Variants in PMM2 observed in about 807,000 individuals in gnomAD.
The protein encoded by PMM2 is phosphomannomutase 2.
In PMM2, 35 loss-of-function variants were observed where a neutral mutation model predicts 33.2. The ratio of observed to expected loss-of-function variants is 1.06; its 90% CI spans 0.81 to 1.40. The LOEUF is 1.40. Among genes scored for constraint, PMM2 ranks in the 40% most tolerant of loss-of-function variants. PMM2 has a pLI of 0.00. For synonymous variants in PMM2, 153 were observed against 114.7 expected (o/e 1.33, Z -2.13); for missense variants, 386 against 306.0 (o/e 1.26, Z -1.95).
chr16:8,825,756 ATTT>A (rs35928064), intron 7 of PMM2, among the ~76,000 whole-genome samples: 3 of 134,200 alleles, frequency 2.2e-5, no homozygotes, highest in Admixed American at 7.6e-5. Context: ...ATAAAACACT[ATTT>A]TTTTTTTTTT....
intron 7 of PMM2, among the ~76,000 whole-genome samples, chr16:8,827,700 AAGGCC>A (rs2060777698): frequency 7.9e-6 from 1 of 126,240 alleles, no homozygotes; most frequent in Non-Finnish European, 1.6e-5. Context: ...CCAGCCCACA[AAGGCC>A]TTTTAAATGT....
intron 7 of PMM2, among the ~76,000 whole-genome samples, chr16:8,846,205 G>A (rs868561339): frequency 1.8e-4 from 27 of 152,304 alleles, no homozygotes; most frequent in Admixed American, 3.3e-4. Flanking sequence ...ACCTGAGGAG[G>A]CCATCTGCCT....
chr16:8,813,838 G>A (rs1213886754), intron 7 of PMM2, among the ~76,000 whole-genome samples: 2 of 147,616 alleles, frequency 1.4e-5, no homozygotes, highest in Non-Finnish European at 3.0e-5. Context: ...CCAGCTTTGG[G>A]CCAGCTCCTT....
chr16:8,808,986 A>C (rs898448175), intron 4 of PMM2: 27 of 152,366 alleles, frequency 1.8e-4, no homozygotes, highest in African/African-American at 6.5e-4. Context: ...TGCTGTTTTT[A>C]CTTTAATGAG....
At chr16:8,843,724 T>C (rs2060906016) in intron 7 of PMM2, among the ~76,000 whole-genome samples, 1 of 152,204 alleles carries the variant, frequency 6.6e-6, no homozygotes, top group South Asian at 2.1e-4. Flanking sequence ...TTGTGGAGTT[T>C]GAGGGCCAGA....
Position 8,836,435 on chromosome 16 carries a change from G to A in PMM2, c.640-11289G>A, listed in dbSNP as rs569342466. 1.6e-3 allele frequency among the ~76,000 whole-genome samples: 245 copies of A among 152,128 alleles called. 8 individuals are homozygous for A. In the South Asian group the frequency reaches 0.04, roughly 25 times the overall value. Reference sequence around the variant, plus strand: ...CGGCTTAGGAGGAATCCCGGGCTGTGGGCATTCCTTGGCCCAGTGGCCAGA... The same window carrying A: ...CGGCTTAGGAGGAATCCCGGGCTGTAGGCATTCCTTGGCCCAGTGGCCAGA... On this transcript the variant is annotated intron_variant, in intron 7 of 7. Coordinates refer to ENST00000268261, the MANE Select transcript of PMM2 (RefSeq NM_000303.3).
At chr16:8,834,611 C>T (rs1461078284) in intron 7 of PMM2, among the ~76,000 whole-genome samples, 1 of 152,006 alleles carries the variant, frequency 6.6e-6, no homozygotes, top group African/African-American at 2.4e-5. Flanking sequence ...TGAATAATCC[C>T]TGAGGAGTAG....
At chr16:8,813,199 T>A in intron 7 of PMM2, 93 bp downstream of exon 7, 1 of 840,432 alleles carries the variant, frequency 1.2e-6, no homozygotes, top group South Asian at 1.3e-5. Flanking sequence ...ACCTACACTT[T>A]ACCCACCCGC....
intron 7 of PMM2, among the ~76,000 whole-genome samples, chr16:8,833,701 A>T (rs1352615255): frequency 1.3e-5 from 2 of 151,336 alleles, no homozygotes; most frequent in African/African-American, 4.9e-5. Context: ...GTATAGAATG[A>T]TTGGTGATGG....
chr16:8,822,803 AG>A (rs2060745349), intron 7 of PMM2, among the ~76,000 whole-genome samples: 1 of 152,200 alleles, frequency 6.6e-6, no homozygotes, highest in African/African-American at 2.4e-5. Context: ...GCTTCTACTC[AG>A]GGGTTCCTGG....
intron 2 of PMM2, among the ~76,000 whole-genome samples, chr16:8,804,041 T>TTTTTTTG (rs1174379818): frequency 7.0e-6 from 1 of 143,718 alleles, no homozygotes; most frequent in African/African-American, 2.6e-5. Context: ...GTTTTTTTTT[T>TTTTTTTG]TTTTTTTTTT....
At chr16:8,810,801 G>T (rs2060673040) in intron 4 of PMM2, 1 of 462,620 alleles carries the variant, frequency 2.2e-6, no homozygotes, top group African/African-American at 2.0e-5. Flanking sequence ...CAAAATATGA[G>T]CATTTTAACA....
At chr16:8,833,717 A>T (rs965400216) in intron 7 of PMM2, among the ~76,000 whole-genome samples, 6 of 151,542 alleles carry the variant, frequency 4.0e-5, no homozygotes, top group Non-Finnish European at 5.9e-5. Context: ...GATGGCCTGG[A>T]TACGGTTTTG....
chr16:8,805,456 G>A (rs1343690485), intron 3 of PMM2, among the ~76,000 whole-genome samples: 2 of 151,760 alleles, frequency 1.3e-5, no homozygotes, highest in Admixed American at 6.6e-5. Flanking sequence ...GAACTCCTGG[G>A]CACAGGTGAT....
intron 7 of PMM2, chr16:8,832,686 A>T: frequency 2.0e-6 from 2 of 985,414 alleles, no homozygotes; most frequent in Non-Finnish European, 2.4e-6. Flanking sequence ...CCCGTTCTCC[A>T]GAAAGATCCT....
chr16:8,830,000 G>A (rs527623754), intron 7 of PMM2, among the ~76,000 whole-genome samples: 4 of 152,258 alleles, frequency 2.6e-5, no homozygotes, highest in African/African-American at 9.6e-5. Context: ...CCCCATGATG[G>A]GGCTACAGGC....
At chr16:8,801,594 C>T (rs2060616671) in intron 1 of PMM2, among the ~76,000 whole-genome samples, 1 of 152,164 alleles carries the variant, frequency 6.6e-6, no homozygotes, top group Non-Finnish European at 1.5e-5. Flanking sequence ...TCACCGGAGT[C>T]CAGGGAGGTC....
chr16:8,834,068 T>A (rs983667788), intron 7 of PMM2, among the ~76,000 whole-genome samples: 1 of 152,030 alleles, frequency 6.6e-6, no homozygotes, highest in Non-Finnish European at 1.5e-5. Flanking sequence ...TGGTCTGGTG[T>A]CTGGAATGAG....
intron 7 of PMM2, among the ~76,000 whole-genome samples, chr16:8,826,152 G>A (rs987527275): frequency 3.9e-5 from 6 of 152,044 alleles, no homozygotes; most frequent in Admixed American, 6.6e-5. Context: ...ATACCCTTTC[G>A]ATTTTAGCCA....
Sources: gnomAD v4.1 joint callset for allele counts (sites outside exome capture counted in the v4.1 genomes callset) on GRCh38, gnomAD v4.1.1 for gene constraint, MANE v1.5 for transcripts, NCBI Gene and HGNC (gene_info 2026-07-23, HGNC 2026-07-21) for gene names.